The following CELF2 variants were observed in gnomAD, a reference collection of about 807,000 sequenced individuals.
CELF2 encodes the protein CUGBP Elav-like family member 2, also known as CUG triplet repeat RNA-binding protein 2.
Under a neutral mutation model 62.6 loss-of-function variants are expected in CELF2, and 8 were observed. That is an observed-to-expected ratio of 0.13 (90% CI 0.07 to 0.23). The LOEUF (loss-of-function observed/expected upper bound fraction) is 0.23. Among genes scored for constraint, CELF2 ranks in the 10% least tolerant of loss-of-function variants. The probability of loss-of-function intolerance (pLI) is 1.00; values close to 1 mark genes in which losing one functional copy is unlikely to be tolerated. For synonymous variants in CELF2, 258 were observed against 250.0 expected (o/e 1.03, Z -0.30); for missense variants, 333 against 671.0 (o/e 0.50, Z 5.56).
At chr10:10,999,186 C>T (rs1388312254) in intron 2 of CELF2, among the ~76,000 whole-genome samples, 1 of 152,144 alleles carries the variant, frequency 6.6e-6, no homozygotes, top group Non-Finnish European at 1.5e-5. Flanking sequence ...TTGTGCGATA[C>T]AGCTGCAAGC....
the CELF2 span, among the ~76,000 whole-genome samples, chr10:10,466,626 G>A: frequency 3.3e-5 from 5 of 152,082 alleles, no homozygotes; most frequent in Non-Finnish European, 5.9e-5. Context: ...AAAAAACCCA[G>A]CAGTTTTCCA....
chr10:10,687,258 A>G, the CELF2 span, among the ~76,000 whole-genome samples: 1 of 152,200 alleles, frequency 6.6e-6, no homozygotes, highest in Non-Finnish European at 1.5e-5. Flanking sequence ...ACTAAAGGTT[A>G]ACTTTCCTCC....
rs1351856485 is a variant in CELF2, at chr10:11,220,845, A to G, written c.354+3338A>G. Reference sequence around the variant, plus strand: ...TCATTAGTTACTGACATTTCATGAGATTAATCCCAAATGATCATGGAGTGC... The same window carrying G: ...TCATTAGTTACTGACATTTCATGAGGTTAATCCCAAATGATCATGGAGTGC... On this transcript the variant is annotated intron_variant, in intron 3 of 12. Transcript: ENST00000633077. This position sits in a 1 kb window ranked among gnomAD's most constrained non-coding sequence, Gnocchi z 4.4. Among the ~76,000 whole-genome samples the G allele has an allele frequency of 6.6e-6, 1 of 152,222 alleles. No individual in the cohort carries two copies. The highest frequency in any genetic ancestry group is 1.5e-5 in the Non-Finnish European group (1 of 68,040).
chr10:10,971,535 G>A (rs1413807843), intron 2 of CELF2, among the ~76,000 whole-genome samples: 1 of 152,108 alleles, frequency 6.6e-6, no homozygotes, highest in East Asian at 1.9e-4. Context: ...CCAAGTTTCT[G>A]GAAAGAGTCA....
intron 1 of CELF2, among the ~76,000 whole-genome samples, chr10:10,883,766 A>G (rs2061581003): frequency 6.6e-6 from 1 of 152,078 alleles, no homozygotes; most frequent in East Asian, 1.9e-4. Context: ...CTGATATTTG[A>G]CCATATTGAC....
the CELF2 span, among the ~76,000 whole-genome samples, chr10:10,640,883 C>G: frequency 2.0e-5 from 3 of 152,290 alleles, no homozygotes; most frequent in East Asian, 5.8e-4. Context: ...GATGGAAACT[C>G]CATTGGCCAT....
chr10:10,809,106 C>T (rs184346023), intron 1 of CELF2, among the ~76,000 whole-genome samples: 1 of 152,196 alleles, frequency 6.6e-6, no homozygotes, highest in Non-Finnish European at 1.5e-5. Context: ...GTGAAACCAA[C>T]ATGACGGGAT....
At chr10:10,486,351 C>A in the CELF2 span, among the ~76,000 whole-genome samples, 1 of 152,132 alleles carries the variant, frequency 6.6e-6, no homozygotes, top group Non-Finnish European at 1.5e-5. Flanking sequence ...GATTTTAATA[C>A]CATGATTTAA....
At chr10:10,855,865 CAT>C (rs992842319) in intron 1 of CELF2, among the ~76,000 whole-genome samples, 5 of 152,106 alleles carry the variant, frequency 3.3e-5, no homozygotes, top group Non-Finnish European at 7.3e-5. Flanking sequence ...AGGTATCTAA[CAT>C]AGTAGATATT....
intron 7 of CELF2, among the ~76,000 whole-genome samples, chr10:11,273,574 C>T (rs931986988): frequency 3.9e-5 from 6 of 152,122 alleles, no homozygotes; most frequent in African/African-American, 9.7e-5. Context: ...CACTGCTTGG[C>T]GCTGTTACCT....
At chr10:11,295,178 ACT>A (rs1403479353) in intron 9 of CELF2, among the ~76,000 whole-genome samples, 2 of 151,590 alleles carry the variant, frequency 1.3e-5, no homozygotes, top group East Asian at 1.9e-4. Context: ...AAATAAAATG[ACT>A]CTGTAGTGAC....
intron 2 of CELF2, among the ~76,000 whole-genome samples, chr10:10,924,281 CAAAAAAAAAAAAAA>C (rs11415164): frequency 1.6e-4 from 7 of 45,092 alleles, no homozygotes; most frequent in Non-Finnish European, 2.0e-4. Context: ...GACTCCGTCC[CAAAAAAAAAAAAAA>C]AAAAAAAAAA....
At chr10:10,617,174 G>A in the CELF2 span, among the ~76,000 whole-genome samples, 2 of 152,162 alleles carry the variant, frequency 1.3e-5, no homozygotes, top group Middle Eastern at 6.3e-3. Context: ...AGTTGTAACA[G>A]AATGGAATGA....
chr10:10,895,835 C>A (rs191824580), intron 1 of CELF2, among the ~76,000 whole-genome samples: 1 of 152,130 alleles, frequency 6.6e-6, no homozygotes, highest in African/African-American at 2.4e-5. Context: ...AGTGATCTTT[C>A]AGTGATGGGA....
the CELF2 span, among the ~76,000 whole-genome samples, chr10:10,719,271 T>A: frequency 6.6e-6 from 1 of 152,132 alleles, no homozygotes; most frequent in Non-Finnish European, 1.5e-5. Context: ...TATTATACTT[T>A]TTAATGATAC....
chr10:10,637,283 C>T, the CELF2 span, among the ~76,000 whole-genome samples: 1 of 152,068 alleles, frequency 6.6e-6, no homozygotes, highest in Admixed American at 6.6e-5. Context: ...GTCCCAGACT[C>T]CCAGGAACAG....
At chr10:10,693,416 AT>A in the CELF2 span, among the ~76,000 whole-genome samples, 3 of 149,276 alleles carry the variant, frequency 2.0e-5, no homozygotes, top group Non-Finnish European at 3.0e-5. Context: ...TTTTGCCAGT[AT>A]TTTATTGAGG....
intron 5 of CELF2, 55 bp downstream of exon 5, chr10:11,257,927 T>A: frequency 6.2e-7 from 1 of 1,603,014 alleles, no homozygotes; most frequent in Non-Finnish European, 8.5e-7. Context: ...GAGCTCTGTG[T>A]CACAGTCGAG....
intron 1 of CELF2, among the ~76,000 whole-genome samples, chr10:11,028,233 T>C (rs1420408812): frequency 5.3e-5 from 8 of 151,836 alleles, no homozygotes; most frequent in Non-Finnish European, 1.2e-4. Context: ...CATTCTGGGA[T>C]GGGGGGGAAG....
Sources: allele counts gnomAD v4.1 joint callset (sites outside exome capture counted in the v4.1 genomes callset), GRCh38; gene constraint gnomAD v4.1.1; non-coding constraint Gnocchi (gnomAD v3.1); transcripts MANE v1.5; gene names NCBI Gene and HGNC (gene_info 2026-07-23, HGNC 2026-07-21).